The following ANKS1B variants were observed in gnomAD, a reference collection of about 807,000 sequenced individuals.
The protein encoded by ANKS1B is ankyrin repeat and sterile alpha motif domain-containing protein 1B.
A neutral mutation model predicts 148.3 loss-of-function variants in ANKS1B; 36 were observed. The ratio of observed to expected loss-of-function variants is 0.24; its 90% confidence interval spans 0.19 to 0.32. The LOEUF is 0.32. Ranked by LOEUF, ANKS1B falls within the 10% of genes least tolerant of loss-of-function variation. The pLI, the probability that ANKS1B is intolerant of heterozygous loss-of-function variation, is 1.00. For synonymous variants in ANKS1B, 542 were observed against 560.8 expected (o/e 0.97, Z 0.47); for missense variants, 1,157 against 1,542.6 (o/e 0.75, Z 4.19).
intron 4 of ANKS1B, among the ~76,000 whole-genome samples, chr12:99,796,060 T>A (rs2066214700): frequency 6.6e-6 from 1 of 152,008 alleles, no homozygotes; most frequent in East Asian, 1.9e-4. Context: ...AATATGCAAA[T>A]TGTCAGCATC....
chr12:99,216,804 C>T (rs1257179750), intron 14 of ANKS1B, among the ~76,000 whole-genome samples: 3 of 152,202 alleles, frequency 2.0e-5, no homozygotes, highest in Non-Finnish European at 4.4e-5. Flanking sequence ...AGGCATATGG[C>T]TGTCCAGCCA....
At chr12:99,635,229 A>G (rs2098221264) in intron 9 of ANKS1B, among the ~76,000 whole-genome samples, 1 of 152,188 alleles carries the variant, frequency 6.6e-6, no homozygotes, top group Admixed American at 6.5e-5. Flanking sequence ...TAGAATTACC[A>G]TAAGATCCAG....
Position 99,422,230 on chromosome 12 carries a change from ATTC to A in ANKS1B, c.1575+21440_1575+21442del, listed in dbSNP as rs2095110406. The stretch of plus-strand genomic sequence containing the variant: ...AACACAGATAAGACAGCACAAAATA[ATTC>A]TTCTTGATGGGACTGCTCATTCATG... On this transcript the variant is annotated intron_variant, in intron 11 of 26. Coordinates refer to ENST00000683438, the MANE Select transcript of ANKS1B (RefSeq NM_001352186.2). Among the ~76,000 whole-genome samples, 4 of 152,290 alleles carry A rather than the reference ATTC, an allele frequency of 2.6e-5. No individual in the cohort carries two copies. The Middle Eastern group carries it at 0.01, about 388-fold the overall frequency.
chr12:99,560,265 T>G (rs2097319106), intron 9 of ANKS1B, among the ~76,000 whole-genome samples: 1 of 152,172 alleles, frequency 6.6e-6, no homozygotes, highest in South Asian at 2.1e-4. Context: ...CCAAGCAAAA[T>G]ATAACATTAT....
chr12:99,018,797 G>T (rs1341820768), intron 17 of ANKS1B, among the ~76,000 whole-genome samples: 1 of 152,116 alleles, frequency 6.6e-6, no homozygotes, highest in African/African-American at 2.4e-5. Flanking sequence ...ACAGAAATTA[G>T]CTGGATGTAG....
At chr12:99,874,606 T>C (rs2153731405) in intron 1 of ANKS1B, among the ~76,000 whole-genome samples, 1 of 152,324 alleles carries the variant, frequency 6.6e-6, no homozygotes. Flanking sequence ...GTCTCTGACA[T>C]CATCAACTAT....
intron 25 of ANKS1B, among the ~76,000 whole-genome samples, chr12:98,757,772 G>A (rs995582669): frequency 6.6e-6 from 1 of 152,150 alleles, no homozygotes; most frequent in Non-Finnish European, 1.5e-5. Context: ...GCCTGTCTCC[G>A]ACCTTGGCTC....
At chr12:99,837,966 T>C (rs994118592) in intron 1 of ANKS1B, among the ~76,000 whole-genome samples, 3 of 149,082 alleles carry the variant, frequency 2.0e-5, no homozygotes, top group Non-Finnish European at 3.0e-5. Context: ...CCAATGTCTA[T>C]CATTCCATCC....
intron 12 of ANKS1B, among the ~76,000 whole-genome samples, chr12:99,271,199 A>G (rs1396682104): frequency 6.6e-6 from 1 of 152,070 alleles, no homozygotes; most frequent in Non-Finnish European, 1.5e-5. Context: ...TTTTTAGTTC[A>G]GTTATCTCCT....
chr12:98,981,997 C>T (rs61932232), intron 17 of ANKS1B, among the ~76,000 whole-genome samples: 32,211 of 151,994 alleles, frequency 0.21, 3,548 homozygotes, highest in African/African-American at 0.24. Context: ...TTAAACTGAG[C>T]GCTAGATGGA....
At chr12:98,857,214 A>C (rs1411766332) in intron 17 of ANKS1B, among the ~76,000 whole-genome samples, 2 of 152,232 alleles carry the variant, frequency 1.3e-5, no homozygotes, top group Non-Finnish European at 2.9e-5. Context: ...AGAGGTGAGG[A>C]TATTTTAAGC....
At chr12:99,252,102 C>T (rs1322985165) in intron 12 of ANKS1B, among the ~76,000 whole-genome samples, 1 of 152,180 alleles carries the variant, frequency 6.6e-6, no homozygotes, top group Non-Finnish European at 1.5e-5. Flanking sequence ...AAATGTCTTT[C>T]TCAGGAGCTG....
chr12:99,721,608 A>G (rs1600630696), intron 8 of ANKS1B, among the ~76,000 whole-genome samples: 2 of 152,148 alleles, frequency 1.3e-5, no homozygotes, highest in East Asian at 1.9e-4. Flanking sequence ...CAAATCTTAT[A>G]AAACGGCCCC....
intron 19 of ANKS1B, among the ~76,000 whole-genome samples, chr12:98,812,477 C>T (rs1361823497): frequency 6.6e-6 from 1 of 152,218 alleles, no homozygotes; most frequent in Non-Finnish European, 1.5e-5. Flanking sequence ...GTATCCCCAT[C>T]ATTAGGTTAT....
intron 9 of ANKS1B, among the ~76,000 whole-genome samples, chr12:99,567,446 C>T (rs542933261): frequency 6.6e-6 from 1 of 151,970 alleles, no homozygotes; most frequent in Admixed American, 6.6e-5. Flanking sequence ...CATCAAGAGC[C>T]CCCCGACACA....
At chr12:99,921,982 A>T (rs2094367668) in intron 1 of ANKS1B, among the ~76,000 whole-genome samples, 1 of 152,160 alleles carries the variant, frequency 6.6e-6, no homozygotes, top group Non-Finnish European at 1.5e-5. Flanking sequence ...TAAGCATCCT[A>T]GAGTCAAGTT....
At chr12:99,571,164 T>A (rs1218296721) in intron 9 of ANKS1B, among the ~76,000 whole-genome samples, 2 of 152,122 alleles carry the variant, frequency 1.3e-5, no homozygotes, top group African/African-American at 2.4e-5. Flanking sequence ...CTCAATTTTC[T>A]AGATGTCTTT....
At chr12:99,145,902 T>C (rs193203900) in intron 15 of ANKS1B, among the ~76,000 whole-genome samples, 1 of 152,098 alleles carries the variant, frequency 6.6e-6, no homozygotes, top group Non-Finnish European at 1.5e-5. Context: ...AGTATACTAA[T>C]ATTGACCGTA....
intron 8 of ANKS1B, among the ~76,000 whole-genome samples, chr12:99,701,467 G>A (rs2054805960): frequency 6.6e-6 from 1 of 152,002 alleles, no homozygotes; most frequent in African/African-American, 2.4e-5. Flanking sequence ...AGCATACAAT[G>A]TGTAATAATC....
Sources: allele counts gnomAD v4.1 joint callset (sites outside exome capture counted in the v4.1 genomes callset), GRCh38; gene constraint gnomAD v4.1.1; transcripts MANE v1.5; gene names NCBI Gene and HGNC (gene_info 2026-07-23, HGNC 2026-07-21).